Variants in ADGRG2 observed in about 807,000 individuals in gnomAD.
ADGRG2 encodes the protein adhesion G protein-coupled receptor G2.
In ADGRG2, 26 loss-of-function variants were observed where a neutral mutation model predicts 74.1. The ratio of observed to expected loss-of-function variants is 0.35; its 90% confidence interval spans 0.26 to 0.49. The LOEUF (loss-of-function observed/expected upper bound fraction) is 0.49. ADGRG2 is among the 20% of genes least tolerant of loss of function. The pLI is 0.99. For synonymous variants in ADGRG2, 296 were observed against 295.2 expected, an observed-to-expected ratio of 1.00 and a Z score of -0.03; for missense variants, 619 against 763.1, an observed-to-expected ratio of 0.81 and a Z score of 2.22.
chrX:19,006,202 G>A lies in ADGRG2; in HGVS notation c.1735+18C>T. 1.7e-6 allele frequency: 2 copies of A among 1,163,718 alleles called. No homozygotes were observed. Among genetic ancestry groups the A allele is most frequent in the East Asian group, 3.0e-5 (1 of 33,577 alleles). ...TTAACCCACTCAAGAGTTTGAAAAGGTTATGACTGGAACTTACCATTTCTG... is the reference window on the plus strand; with the variant it reads ...TTAACCCACTCAAGAGTTTGAAAAGATTATGACTGGAACTTACCATTTCTG... On this transcript the variant is annotated intron_variant, in intron 21 of 28. Transcript: ENST00000379869.
Position 19,010,741 on chromosome X carries a change from G to T in ADGRG2, c.1137C>A (p.Asn379Lys). Reference protein sequence around the residue: ...VNTSSISDLENQVLQMEKALS... With the variant: ...VNTSSISDLEKQVLQMEKALS... ...GAGCCTTCTCCATCTGCAACACTTG[G>T]TTCTCAAGATCAGAAATACTGCTGG... The change falls in exon 17 of 29, where the codon AAC becomes AAA. Residue 379 changes from asparagine to lysine, a missense_variant. Asn to Lys is a moderately conservative substitution (Grantham distance 94, BLOSUM62 0). This residue lies in a region of ADGRG2 where 292 missense variants were observed against 318.0 expected (regional missense o/e 0.92). Coordinates refer to ENST00000379869, the MANE Select transcript of ADGRG2 (RefSeq NM_001079858.3). The T allele has an allele frequency of 8.3e-7, 1 of 1,203,501 alleles. No individual in the cohort carries two copies. Among genetic ancestry groups the T allele is most frequent in the Non-Finnish European group, 1.1e-6 (1 of 890,014 alleles).
intron 1 of ADGRG2, among the ~76,000 whole-genome samples, chrX:19,085,770 C>T (rs2061926606): frequency 9.0e-6 from 1 of 111,411 alleles, no homozygotes; most frequent in Non-Finnish European, 1.9e-5. Flanking sequence ...TTACATAGTA[C>T]TTACACAATT....
chrX:19,098,056 T>G (rs1298069313), intron 1 of ADGRG2, among the ~76,000 whole-genome samples: 1 of 113,048 alleles, frequency 8.8e-6, no homozygotes, highest in Non-Finnish European at 1.9e-5. Context: ...ACATGATAAT[T>G]TCTATTAAGA....
chrX:19,106,196 C>T (rs1282081872), intron 1 of ADGRG2, among the ~76,000 whole-genome samples: 2 of 105,415 alleles, frequency 1.9e-5, no homozygotes, highest in African/African-American at 7.5e-5. Context: ...CACTGACTTG[C>T]ATCAGGCATT....
chrX:19,105,927 CAAAA>C (rs748026875), intron 1 of ADGRG2, among the ~76,000 whole-genome samples: 1 of 29,989 alleles, frequency 3.3e-5, no homozygotes, highest in East Asian at 1.2e-3. Flanking sequence ...GACTCTGTCT[CAAAA>C]AAAAAAAAAA....
Position 18,999,293 on chromosome X carries a change from A to AG in ADGRG2, c.2331-15dup, listed in dbSNP as rs764325396. On this transcript the variant is annotated splice_polypyrimidine_tract_variant and intron_variant, in intron 25 of 28. Coordinates refer to ENST00000379869, the MANE Select transcript of ADGRG2 (RefSeq NM_001079858.3). ...TTGATCCAGCAGCTGGAGTTTGTGGAGGGGGGGAAACAGGGGAAAACATAT... is the reference window on the plus strand; with the variant it reads ...TTGATCCAGCAGCTGGAGTTTGTGGAGGGGGGGGAAACAGGGGAAAACATAT... 10 of 1,161,708 alleles carry AG rather than the reference A, an allele frequency of 8.6e-6. No individual in the cohort carries two copies. The highest frequency in any genetic ancestry group is 2.4e-5 in the Admixed American group (1 of 41,041).
At chrX:19,063,775 G>A (rs370768950) in intron 3 of ADGRG2, among the ~76,000 whole-genome samples, 2 of 111,967 alleles carry the variant, frequency 1.8e-5, no homozygotes, top group African/African-American at 6.5e-5. Context: ...CTGGGGAGGG[G>A]GATTTAATTC....
chrX:19,062,723 A>C (rs965207414), intron 3 of ADGRG2, among the ~76,000 whole-genome samples: 8 of 110,816 alleles, frequency 7.2e-5, no homozygotes, highest in Non-Finnish European at 1.3e-4. Flanking sequence ...TGAACACAGC[A>C]AGAGAGGATA....
chrX:19,113,106 G>A (rs1401647753), intron 1 of ADGRG2, among the ~76,000 whole-genome samples: 2 of 108,883 alleles, frequency 1.8e-5, no homozygotes, highest in African/African-American at 6.7e-5. Context: ...CTGCCGGTGC[G>A]GTGGCTCACG....
At chrX:19,086,886 C>A (rs1394833955) in intron 1 of ADGRG2, among the ~76,000 whole-genome samples, 1 of 111,330 alleles carries the variant, frequency 9.0e-6, no homozygotes, top group Non-Finnish European at 1.9e-5. Context: ...ACACTGACAC[C>A]GACACCATGG....
chrX:19,021,134 C>A lies in ADGRG2; in HGVS notation c.613G>T (p.Ala205Ser). The change falls in exon 14 of 29, where the codon GCT becomes TCT. Residue 205 changes from alanine (A) to serine (S), a missense_variant. This residue lies in a region of ADGRG2 where 292 missense variants were observed against 318.0 expected (regional missense o/e 0.92). Coordinates refer to ENST00000379869, the MANE Select transcript of ADGRG2 (RefSeq NM_001079858.3). ...GGTCGAATCTTTACTCTTTCCAAAG[C>A]AGCTATTACAGCACATGCATTCATT... ...NTMNACAVIAALERVKIRPME... is the reference protein window; with the variant it reads ...NTMNACAVIASLERVKIRPME... The A allele has an allele frequency of 9.0e-7, 1 of 1,112,069 alleles. No individual in the cohort carries two copies. Among genetic ancestry groups the A allele is most frequent in the Non-Finnish European group, 1.2e-6 (1 of 805,539 alleles). 91.6% of individuals were successfully genotyped at this position (1,112,069 alleles called of 1,213,427 possible).
In ADGRG2 at chrX:19,068,783, A is replaced by G. The variant is rs1223777992; in HGVS notation, c.52T>C (p.Leu18=). The G allele has an allele frequency of 1.7e-6, 2 of 1,172,033 alleles. No individual in the cohort carries two copies. The highest frequency in any genetic ancestry group is 3.7e-5 in the South Asian group (2 of 53,906). ...ACAAGGAATATCTTGAACGTCAGTA[A>G]AACTTCTTCAGTTCTGCCAACATGG... ...CGHVGRTEEV[L]LTFKIFLVII... is the part of the protein sequence containing the mutation. The change falls in exon 3 of 29, where the codon TTA becomes CTA. Residue 18 remains leucine (L), a synonymous_variant. Transcript: ENST00000379869.
At chrX:19,040,003 G>A (rs2064611443) in intron 4 of ADGRG2, among the ~76,000 whole-genome samples, 186 bp downstream of exon 4, 1 of 112,077 alleles carries the variant, frequency 8.9e-6, no homozygotes, top group Non-Finnish European at 1.9e-5. Context: ...CCGCAATATG[G>A]ACGGATCAAT....
At chrX:19,092,703 T>C (rs1569139949) in intron 1 of ADGRG2, among the ~76,000 whole-genome samples, 1 of 111,850 alleles carries the variant, frequency 8.9e-6, no homozygotes, top group Non-Finnish European at 1.9e-5. Flanking sequence ...TGCCTCTGTC[T>C]GCAGCAACTG....
intron 2 of ADGRG2, among the ~76,000 whole-genome samples, chrX:19,076,070 G>C (rs2061743219): frequency 8.9e-6 from 1 of 111,823 alleles, no homozygotes; most frequent in South Asian, 3.7e-4. Context: ...GAGGCTTTGT[G>C]CACACTCATG....
At chrX:19,097,588 G>A (rs2062119280) in intron 1 of ADGRG2, among the ~76,000 whole-genome samples, 1 of 112,081 alleles carries the variant, frequency 8.9e-6, no homozygotes, top group South Asian at 3.8e-4. Context: ...ACAGGAATCC[G>A]GGGCCTGGGG....
At chrX:19,055,729 G>A (rs2061401784) in intron 3 of ADGRG2, among the ~76,000 whole-genome samples, 1 of 106,429 alleles carries the variant, frequency 9.4e-6, no homozygotes, top group South Asian at 4.2e-4. Flanking sequence ...TCAGGTGGGA[G>A]ATTTTTTTTT....
At chrX:19,116,679 C>T (rs1196554257) in intron 1 of ADGRG2, among the ~76,000 whole-genome samples, 1 of 110,741 alleles carries the variant, frequency 9.0e-6, no homozygotes, top group African/African-American at 3.3e-5. Flanking sequence ...TTACACTGAT[C>T]TCAGAGCATA....
chrX:19,045,195 G>A (rs1347766659), intron 3 of ADGRG2, among the ~76,000 whole-genome samples: 1 of 110,723 alleles, frequency 9.0e-6, no homozygotes, highest in East Asian at 2.8e-4. Context: ...TTGAACGAAG[G>A]CAGTTTGACT....
Sources: gnomAD v4.1 joint callset for allele counts (sites outside exome capture counted in the v4.1 genomes callset) on GRCh38, gnomAD v4.1.1 for gene constraint, gnomAD v4.1.1 regional missense constraint, MANE v1.5 for transcripts, NCBI Gene and HGNC (gene_info 2026-07-23, HGNC 2026-07-21) for gene names.